HECTD3: variants seen among roughly 807,000 people sequenced by gnomAD.
The protein encoded by HECTD3 is HECT domain E3 ubiquitin protein ligase 3.
In HECTD3, 72 loss-of-function variants were observed where a neutral mutation model predicts 109.3. The ratio of observed to expected loss-of-function variants is 0.66; its 90% CI spans 0.54 to 0.80. The LOEUF is 0.80. HECTD3 is among the 30% of genes least tolerant of loss of function. HECTD3 has a pLI of 0.00. For synonymous variants in HECTD3, 481 were observed against 471.8 expected, an observed-to-expected ratio of 1.02 and a Z score of -0.25; for missense variants, 1,041 against 1,165.2, an observed-to-expected ratio of 0.89 and a Z score of 1.55.
At position 45,006,135 on chromosome 1, in the gene HECTD3, T is replaced by C. The variant is rs1401108258; in HGVS notation, c.1726-19A>G. On this transcript the variant is annotated intron_variant, in intron 13 of 20. Transcript: ENST00000372172. This position sits in a 1 kb window ranked among gnomAD's most constrained non-coding sequence, Gnocchi z 4.7. ...CATTGCCCTGCCCCAGAGACAGAGC[T>C]GTGAGTGTGGCATGAGATACACCCT... 2.5e-6 allele frequency: 4 copies of C among 1,610,098 alleles called. No homozygotes were observed. The highest frequency in any genetic ancestry group is 3.4e-6 in the Non-Finnish European group (4 of 1,176,868).
chr1:45,007,686 C>T (rs928872722), intron 9 of HECTD3, 91 bp from the exon 10 acceptor site: 4 of 1,094,160 alleles, frequency 3.7e-6, no homozygotes, highest in African/African-American at 3.1e-5. Context: ...TATCCAATTC[C>T]ACCGTTTCAG....
chr1:45,004,338 G>A lies in HECTD3; in HGVS notation c.2182C>T (p.Gln728Ter). The change falls in exon 17 of 21, where the codon CAG (glutamine) becomes TAG (stop). Residue 728 changes from glutamine (Q) to a stop codon, truncating the protein, a stop_gained. Transcript: ENST00000372172. LOFTEE classifies it high-confidence loss of function. ...MQAGLLKVVP[Q>*]AVLDLLTWQE... Reference sequence around the variant, plus strand: ...CAGGTCAGCAAGTCCAGCACAGCCTGTGGTACCACCTTCAGCAGACCTGCC... The same window carrying A: ...CAGGTCAGCAAGTCCAGCACAGCCTATGGTACCACCTTCAGCAGACCTGCC... 3 of 1,614,070 alleles carry A rather than the reference G, an allele frequency of 1.9e-6. No individual in the cohort carries two copies. The highest frequency in any genetic ancestry group is 2.5e-6 in the Non-Finnish European group (3 of 1,179,932).
intron 16 of HECTD3, 67 bp downstream of exon 16, chr1:45,004,533 C>A: frequency 6.2e-7 from 1 of 1,601,676 alleles, no homozygotes. Context: ...AGGCTGTGTT[C>A]TGGGTCCCAG....
chr1:45,003,567 T>C lies in HECTD3; in HGVS notation c.2511A>G (p.Val837=). ...LFLPHYASAK[V]CEEKLRYAAY... ...CCGCATAGCGGAGCTTCTCCTCGCATACCTTGGCACTGTGGGAATGGGGAC... is the reference window on the plus strand; with the variant it reads ...CCGCATAGCGGAGCTTCTCCTCGCACACCTTGGCACTGTGGGAATGGGGAC... Residue 837 remains valine, a synonymous_variant, in exon 21 of 21, where the codon GTA becomes GTG. Transcript: ENST00000372172. This position sits in a 1 kb window ranked among gnomAD's most constrained non-coding sequence, Gnocchi z 4.7. 1 of 1,614,192 alleles carries C rather than the reference T, an allele frequency of 6.2e-7. No individual in the cohort carries two copies. The highest frequency in any genetic ancestry group is 8.5e-7 in the Non-Finnish European group (1 of 1,180,014).
intron 4 of HECTD3, 40 bp downstream of exon 4, chr1:45,009,946 A>G: frequency 6.6e-7 from 1 of 1,517,642 alleles, no homozygotes; most frequent in Non-Finnish European, 8.8e-7. Flanking sequence ...GAGGGGTGTG[A>G]CTATATCTTG....
rs1644713528 is a variant in HECTD3 at position 45,004,076 on chromosome 1, C to T, written c.2331G>A (p.Leu777=). 1.9e-6 allele frequency: 3 copies of T among 1,614,078 alleles called. No homozygotes were observed. Among genetic ancestry groups the T allele is most frequent in the Middle Eastern group, 1.6e-4 (1 of 6,062 alleles). The change falls in exon 18 of 21, where the codon CTG becomes CTA. Residue 777 remains leucine, a synonymous_variant. Transcript: ENST00000372172. ...TCCACTGACCGTTGGTGAAGTTGTT[C>T]AGTGCCTCCCAGAAATACTGCACCC... is the stretch of plus-strand genomic sequence containing the variant. ...DSRVQYFWEA[L]NNFTNEDRSR...
At position 45,011,121 on chromosome 1, in the gene HECTD3, T is replaced by C; in HGVS notation, c.137A>G (p.Glu46Gly). 6.6e-7 allele frequency: 1 copy of C among 1,510,242 alleles called. No homozygotes were observed. Among genetic ancestry groups the C allele is most frequent in the Non-Finnish European group, 8.8e-7 (1 of 1,137,554 alleles). The allele number at this position is 1,510,242 out of a possible 1,614,324, so 93.6% of individuals were successfully genotyped here. Reference protein sequence around the residue: ...LPAALAFVPREVLYKLYKDPA... With the variant: ...LPAALAFVPRGVLYKLYKDPA... ...GTCCTTGTAAAGCTTGTAGAGCACCTCTCGCGGCACGAAAGCCAGCGCTGC... is the reference window on the plus strand; with the variant it reads ...GTCCTTGTAAAGCTTGTAGAGCACCCCTCGCGGCACGAAAGCCAGCGCTGC... The change falls in exon 1 of 21, where the codon GAG becomes GGG. Residue 46 changes from glutamate to glycine, a missense_variant. Coordinates refer to ENST00000372172, the MANE Select transcript of HECTD3 (RefSeq NM_024602.6).
In HECTD3 at chr1:45,004,764, A is replaced by G; in HGVS notation, c.1978T>C (p.Phe660Leu). ...EVMEGMDKETFEFKFGKELTF... is the reference protein window; with the variant it reads ...EVMEGMDKETLEFKFGKELTF... ...AGTTCCTTCCCAAACTTGAACTCAA[A>G]CGTCTCCTTGTCCATTCCTTCCATC... The change falls in exon 16 of 21, where the codon TTT becomes CTT. Residue 660 changes from phenylalanine (F) to leucine (L), a missense_variant. Physicochemically the swap from Phe to Leu is conservative, Grantham distance 22. Coordinates refer to ENST00000372172, the MANE Select transcript of HECTD3 (RefSeq NM_024602.6). The G allele has an allele frequency of 6.2e-7, 1 of 1,614,192 alleles. No individual in the cohort carries two copies. Among genetic ancestry groups the G allele is most frequent in the East Asian group, 2.2e-5 (1 of 44,884 alleles).
rs1375902146 is a variant in HECTD3, at chr1:45,008,646, C to G, written c.1128G>C (p.Arg376=). 1 of 1,613,986 alleles carries G rather than the reference C, an allele frequency of 6.2e-7. No individual in the cohort carries two copies. Residue 376 remains arginine, a synonymous_variant, in exon 8 of 21, where the codon CGG becomes CGC. Coordinates refer to ENST00000372172, the MANE Select transcript of HECTD3 (RefSeq NM_024602.6). ...ACAGGTCTGCATTCAACCCTAGTTC[C>G]CGCTGTCTAGATGACTTGATCTTGA... ...RGVKIKSSRQ[R]ELGLNADLFQ...
At chr1:45,005,765 AG>A (rs1644730119) in intron 15 of HECTD3, 28 bp downstream of exon 15, 2 of 1,548,992 alleles carry the variant, frequency 1.3e-6, no homozygotes, top group Admixed American at 2.0e-5. Context: ...GGCTGGGCAG[AG>A]GAAACACTGG....
At chr1:45,005,755 G>A in intron 15 of HECTD3, 39 bp downstream of exon 15, 1 of 1,524,486 alleles carries the variant, frequency 6.6e-7, no homozygotes, top group Non-Finnish European at 8.9e-7. Context: ...AACCTTTAGG[G>A]GCTGGGCAGA....
Position 45,010,046 on chromosome 1 carries a change from C to G in HECTD3, c.699G>C (p.Glu233Asp). ...GCTTCACGCTACCCAGGTTCTCATC[C>G]TCCTTGCCCAGGTGGTCATACAAGA... ...IHFLYDHLGK[E>D]DENLGSVKQY... The change falls in exon 4 of 21, where the codon GAG (glutamate) becomes GAC (aspartate). Residue 233 changes from glutamate (E) to aspartate (D), a missense_variant. By Grantham distance (45) the Glu-to-Asp change is conservative. Coordinates refer to ENST00000372172, the MANE Select transcript of HECTD3 (RefSeq NM_024602.6). 6.4e-7 allele frequency: 1 copy of G among 1,564,888 alleles called. No individual in the cohort carries two copies. The highest frequency in any genetic ancestry group is 8.7e-7 in the Non-Finnish European group (1 of 1,151,656).
intron 15 of HECTD3, 195 bp downstream of exon 15, chr1:45,005,599 A>T (rs1238572015): frequency 1.0e-5 from 5 of 488,302 alleles, no homozygotes; most frequent in Non-Finnish European, 1.5e-5. Context: ...ATATGGCCCC[A>T]GGCTTAGGAG....
At position 45,006,683 on chromosome 1, in the gene HECTD3, G is replaced by A. The variant is rs368419964; in HGVS notation, c.1725+9C>T. ...CTGGGAGGTTTGCAGAGATGGAAAC[G>A]GAGATTACCTGGTTGGCTGTGCGTA... On this transcript the variant is annotated intron_variant, in intron 13 of 20. Transcript: ENST00000372172. The surrounding 1 kb of genome is among the most constrained non-coding windows in gnomAD (Gnocchi z 4.7). 1.1e-5 allele frequency: 17 copies of A among 1,606,646 alleles called. No individual in the cohort carries two copies. Among genetic ancestry groups the A allele is most frequent in the East Asian group, 4.5e-5 (2 of 44,794 alleles).
rs766020219 is a variant in HECTD3 at position 45,007,585 on chromosome 1, T to C, written c.1331A>G (p.Gln444Arg). 1 of 1,609,232 alleles carries C rather than the reference T, an allele frequency of 6.2e-7. No homozygotes were observed. Among genetic ancestry groups the C allele is most frequent in the Non-Finnish European group, 8.5e-7 (1 of 1,179,852 alleles). Residue 444 changes from glutamine (Q) to arginine (R), a missense_variant, in exon 10 of 21, where the codon CAG becomes CGG. Physicochemically the swap from Gln to Arg is conservative, Grantham distance 43. Coordinates refer to ENST00000372172, the MANE Select transcript of HECTD3 (RefSeq NM_024602.6). The stretch of plus-strand genomic sequence containing the variant: ...CCGCTGGCGGGACAGCAGTAGGAAC[T>C]GCTTCACTTGCTAGTGAGGAGAGGT... ...GTFSEIKQVK[Q>R]FLLLSRQRPG...
At position 45,006,094 on chromosome 1, in the gene HECTD3, C is replaced by T. The variant is rs1644732995; in HGVS notation, c.1748G>A (p.Arg583Gln). The T allele has an allele frequency of 1.2e-6, 2 of 1,614,048 alleles. No individual in the cohort carries two copies. The highest frequency in any genetic ancestry group is 1.7e-6 in the Non-Finnish European group (2 of 1,179,946). ...GGAGGGGTTGGGTACATACATGTCCCGAGCCTCACCAGTGCCATTGCCCTG... is the reference window on the plus strand; with the variant it reads ...GGAGGGGTTGGGTACATACATGTCCTGAGCCTCACCAGTGCCATTGCCCTG... ...ANQGNGTGEA[R>Q]DMYVPNPSCR... is the part of the protein sequence containing the mutation. Residue 583 changes from arginine (R) to glutamine (Q), a missense_variant, in exon 14 of 21, where the codon CGG (arginine) becomes CAG (glutamine). Around this residue, in one of 2 missense-constraint regions of HECTD3, gnomAD observed 569 missense variants for 715.3 expected, o/e 0.80. Coordinates refer to ENST00000372172, the MANE Select transcript of HECTD3 (RefSeq NM_024602.6). The surrounding 1 kb of genome is among the most constrained non-coding windows in gnomAD (Gnocchi z 4.7).
Position 45,006,164 on chromosome 1 carries a change from T to A in HECTD3, c.1726-48A>T, listed in dbSNP as rs1412306821. ...AGTGTGGCATGAGATACACCCTATT[T>A]TCCTGGCCCAAAGACTTCCCTGAAC... On this transcript the variant is annotated intron_variant, in intron 13 of 20. Coordinates refer to ENST00000372172, the MANE Select transcript of HECTD3 (RefSeq NM_024602.6). The surrounding 1 kb of genome is among the most constrained non-coding windows in gnomAD (Gnocchi z 4.7). 1 of 1,591,186 alleles carries A rather than the reference T, an allele frequency of 6.3e-7. No individual in the cohort carries two copies. The highest frequency in any genetic ancestry group is 8.6e-7 in the Non-Finnish European group (1 of 1,163,098).
At chr1:45,005,249 G>A (rs576267272) in intron 15 of HECTD3, 16 of 240,778 alleles carry the variant, frequency 6.6e-5, no homozygotes, top group African/African-American at 3.6e-4. Flanking sequence ...AGAGTGAAAT[G>A]AATTACTGTG....
intron 9 of HECTD3, 73 bp downstream of exon 9, chr1:45,008,167 T>C (rs1008013734): frequency 9.1e-6 from 11 of 1,211,158 alleles, no homozygotes; most frequent in African/African-American, 3.0e-5. Flanking sequence ...TTTTAGGAAC[T>C]CTGCTAAGGA....
Sources: allele counts gnomAD v4.1 joint callset, GRCh38; gene constraint gnomAD v4.1.1; regional missense constraint gnomAD v4.1.1; non-coding constraint Gnocchi (gnomAD v3.1); transcripts MANE v1.5; gene names NCBI Gene and HGNC (gene_info 2026-07-23, HGNC 2026-07-21).